The following C2orf76 variants were observed in gnomAD, a reference collection of about 807,000 sequenced individuals.
C2orf76 encodes chromosome 2 open reading frame 76.
In C2orf76, 23 loss-of-function variants were observed where a neutral mutation model predicts 16.9. The observed-to-expected ratio is 1.36, with a 90% confidence interval of 0.98 to 1.93. The LOEUF is 1.93. Among genes scored for constraint, C2orf76 ranks in the 30% most tolerant of loss-of-function variants. The pLI, the probability that C2orf76 is intolerant of heterozygous loss-of-function variation, is 0.00. For synonymous variants in C2orf76, 48 were observed against 52.3 expected, an observed-to-expected ratio of 0.92 and a Z score of 0.35; for missense variants, 152 against 152.6, an observed-to-expected ratio of 1.00 and a Z score of 0.02.
chr2:119,297,204 G>A, the C2orf76 span, among the ~76,000 whole-genome samples: 5 of 152,124 alleles, frequency 3.3e-5, no homozygotes, highest in African/African-American at 1.2e-4. Flanking sequence ...TCACAGATGG[G>A]GAAACCAGGA....
chr2:119,289,300 T>G, the C2orf76 span, among the ~76,000 whole-genome samples: 1 of 152,162 alleles, frequency 6.6e-6, no homozygotes, highest in African/African-American at 2.4e-5. Context: ...GATTCTACTC[T>G]CCTGTGGTTT....
chr2:119,314,672 T>C (rs1214470783), intron 4 of C2orf76, among the ~76,000 whole-genome samples: 1 of 152,202 alleles, frequency 6.6e-6, no homozygotes, highest in Non-Finnish European at 1.5e-5. Context: ...TTTTCAAAAT[T>C]CTCCTGATTA....
chr2:119,301,846 A>G (rs1678628446), downstream of C2orf76, among the ~76,000 whole-genome samples: 3 of 151,804 alleles, frequency 2.0e-5, no homozygotes, highest in South Asian at 6.3e-4. Flanking sequence ...CTTCCTGAAG[A>G]TGGAAAACAC....
intron 4 of C2orf76, among the ~76,000 whole-genome samples, chr2:119,313,472 T>C (rs1411795466): frequency 6.6e-6 from 1 of 151,908 alleles, no homozygotes; most frequent in African/African-American, 2.4e-5. Context: ...GGCACACATC[T>C]ATACTACTAG....
chr2:119,337,234 T>G (rs1350999011), intron 2 of C2orf76, among the ~76,000 whole-genome samples: 3 of 101,060 alleles, frequency 3.0e-5, no homozygotes, highest in African/African-American at 1.4e-4. Context: ...TTTTGGGGTT[T>G]TGTTTTGTTT....
At chr2:119,316,631 A>T (rs1346048899) in intron 4 of C2orf76, among the ~76,000 whole-genome samples, 1 of 137,950 alleles carries the variant, frequency 7.2e-6, no homozygotes, top group East Asian at 2.1e-4. Flanking sequence ...CGACTACAGA[A>T]GACAATGAAA....
chr2:119,292,410 C>T, the C2orf76 span, among the ~76,000 whole-genome samples: 48 of 152,228 alleles, frequency 3.2e-4, 2 homozygotes, highest in East Asian at 8.9e-3. Context: ...GGCTCAGGAC[C>T]GCCTCCGGGC....
intron 4 of C2orf76, among the ~76,000 whole-genome samples, chr2:119,315,868 T>G (rs1679152686): frequency 3.9e-5 from 6 of 152,220 alleles, no homozygotes; most frequent in Admixed American, 3.3e-4. Context: ...TGTTTTGTCT[T>G]CCGATGACAG....
At chr2:119,318,741 G>A (rs987685871) in intron 3 of C2orf76, among the ~76,000 whole-genome samples, 21 of 151,976 alleles carry the variant, frequency 1.4e-4, no homozygotes, top group Non-Finnish European at 2.5e-4. Context: ...TGTTGGCTAG[G>A]TCTCGAACTC....
At chr2:119,316,394 C>T (rs997341583) in intron 4 of C2orf76, among the ~76,000 whole-genome samples, 4 of 152,234 alleles carry the variant, frequency 2.6e-5, no homozygotes. Flanking sequence ...ACCAAGCCTA[C>T]TAAACCCTTG....
intron 5 of C2orf76, among the ~76,000 whole-genome samples, chr2:119,306,296 A>C (rs1678781452): frequency 6.6e-6 from 1 of 152,200 alleles, no homozygotes; most frequent in Non-Finnish European, 1.5e-5. Flanking sequence ...ACAGAATCCC[A>C]CAATATTAGC....
chr2:119,352,946 T>C (rs1680450328), intron 1 of C2orf76, among the ~76,000 whole-genome samples: 1 of 152,060 alleles, frequency 6.6e-6, no homozygotes, highest in Non-Finnish European at 1.5e-5. Context: ...TTAAAACAAA[T>C]AAATCAATAA....
the C2orf76 span, among the ~76,000 whole-genome samples, chr2:119,283,331 C>T: frequency 6.6e-6 from 1 of 152,220 alleles, no homozygotes; most frequent in South Asian, 2.1e-4. Flanking sequence ...CCCCCTCTGC[C>T]CACACTCCTG....
chr2:119,365,716 A>C lies in C2orf76; in HGVS notation c.-13+1074T>G, dbSNP rs7564336. Among the ~76,000 whole-genome samples, 395 of 152,316 alleles carry C rather than the reference A, an allele frequency of 2.6e-3. 3 individuals carry two copies. Among genetic ancestry groups the C allele is most frequent in the African/African-American group, 8.9e-3 (371 of 41,550 alleles). On this transcript the variant is annotated intron_variant, in intron 1 of 5. Transcript: ENST00000334816. ...AGCTCCTTTGCAACCACTGCCAGAGAAGTCTTCCTTTAGCTTCTTAAACAT... is the reference window on the plus strand; with the variant it reads ...AGCTCCTTTGCAACCACTGCCAGAGCAGTCTTCCTTTAGCTTCTTAAACAT...
intron 1 of C2orf76, among the ~76,000 whole-genome samples, chr2:119,349,802 CG>C (rs1403744766): frequency 6.6e-6 from 1 of 152,120 alleles, no homozygotes; most frequent in East Asian, 1.9e-4. Context: ...CACTCGATGT[CG>C]ATGTCATCTG....
chr2:119,317,223 A>T (rs528406469), intron 4 of C2orf76, among the ~76,000 whole-genome samples: 2 of 152,324 alleles, frequency 1.3e-5, no homozygotes, highest in South Asian at 4.1e-4. Flanking sequence ...TATGTGCTTG[A>T]TAAACAAAAT....
At chr2:119,347,632 G>A (rs1236048742) in intron 1 of C2orf76, among the ~76,000 whole-genome samples, 2 of 152,066 alleles carry the variant, frequency 1.3e-5, no homozygotes, top group Non-Finnish European at 2.9e-5. Flanking sequence ...CAGCACTTAG[G>A]AGGCCGAGGC....
chr2:119,309,877 A>T (rs1678926277), intron 5 of C2orf76, among the ~76,000 whole-genome samples: 1 of 152,018 alleles, frequency 6.6e-6, no homozygotes, highest in Admixed American at 6.6e-5. Context: ...ATGCTTGGAA[A>T]ACTCTTCTCC....
chr2:119,302,952 T>C (rs71338931), intron 5 of C2orf76, among the ~76,000 whole-genome samples: 31,464 of 151,610 alleles, frequency 0.21, 3,498 homozygotes, highest in Middle Eastern at 0.31. Context: ...AAAACTCTTT[T>C]CCCCCCCTGA....
Sources: allele counts gnomAD v4.1 joint callset (sites outside exome capture counted in the v4.1 genomes callset), GRCh38; gene constraint gnomAD v4.1.1; transcripts MANE v1.5; gene names NCBI Gene and HGNC (gene_info 2026-07-23, HGNC 2026-07-21).